MCMBP: variants seen among roughly 807,000 people sequenced by gnomAD.
The protein encoded by MCMBP is minichromosome maintenance complex binding protein.
Under a neutral mutation model 81.3 loss-of-function variants are expected in MCMBP, and 31 were observed. That is an observed-to-expected ratio of 0.38 (90% confidence interval 0.29 to 0.51). The LOEUF is 0.51. Ranked by LOEUF, MCMBP falls within the 20% of genes least tolerant of loss-of-function variation. MCMBP has a pLI of 0.87. For synonymous variants in MCMBP, 267 were observed against 275.9 expected (o/e 0.97, Z 0.32); for missense variants, 645 against 772.1 (o/e 0.84, Z 1.95).
intron 1 of MCMBP, among the ~76,000 whole-genome samples, chr10:119,867,236 T>C (rs1853493964): frequency 8.0e-6 from 1 of 124,786 alleles, no homozygotes; most frequent in African/African-American, 3.2e-5. Flanking sequence ...GAGGTTGCAG[T>C]GAGCCGAAAT....
At chr10:119,848,760 A>G (rs932397756) in intron 7 of MCMBP, among the ~76,000 whole-genome samples, 1 of 152,260 alleles carries the variant, frequency 6.6e-6, no homozygotes, top group African/African-American at 2.4e-5. Context: ...ATGGAAGAAC[A>G]AACTATTAAA....
intron 10 of MCMBP, 22 bp from the exon 11 acceptor site, chr10:119,840,982 C>A (rs1852412096): frequency 7.4e-7 from 1 of 1,356,540 alleles, no homozygotes. Context: ...AGAAATCAAT[C>A]AATAAGATGC....
chr10:119,853,728 C>G (rs1224265293), intron 5 of MCMBP, among the ~76,000 whole-genome samples: 1 of 152,198 alleles, frequency 6.6e-6, no homozygotes, highest in African/African-American at 2.4e-5. Flanking sequence ...TCAAGACTCC[C>G]TGAGGACTAG....
At chr10:119,837,069 A>C (rs764515246) in intron 12 of MCMBP, 40 bp from the exon 13 acceptor site, 3 of 1,605,344 alleles carry the variant, frequency 1.9e-6, no homozygotes, top group Admixed American at 3.4e-5. Context: ...TTTGACTTTA[A>C]TCATCTAAAC....
chr10:119,854,193 C>G (rs572933975), intron 5 of MCMBP, among the ~76,000 whole-genome samples: 90 of 151,988 alleles, frequency 5.9e-4, no homozygotes, highest in African/African-American at 2.1e-3. Flanking sequence ...AGGTGCCCAC[C>G]ACCAAGCCCG....
intron 1 of MCMBP, among the ~76,000 whole-genome samples, chr10:119,864,784 C>T (rs1273347903): frequency 3.3e-5 from 5 of 152,154 alleles, no homozygotes; most frequent in Non-Finnish European, 5.9e-5. Context: ...TGCATCTAAG[C>T]ATGTCTTTGG....
chr10:119,850,863 A>ATACAAGAT (rs1314309208), intron 6 of MCMBP, among the ~76,000 whole-genome samples: 1 of 148,176 alleles, frequency 6.7e-6, no homozygotes, highest in Non-Finnish European at 1.5e-5. Flanking sequence ...GCTAAAAGGT[A>ATACAAGAT]TACAAGATCT....
chr10:119,865,042 T>C (rs1853403700), intron 1 of MCMBP, among the ~76,000 whole-genome samples: 1 of 152,240 alleles, frequency 6.6e-6, no homozygotes, highest in Admixed American at 6.5e-5. Flanking sequence ...TGGTTGACAG[T>C]GTTGTGTAGT....
intron 1 of MCMBP, among the ~76,000 whole-genome samples, chr10:119,870,347 T>G (rs1051168622): frequency 6.6e-6 from 1 of 151,704 alleles, no homozygotes; most frequent in Non-Finnish European, 1.5e-5. Flanking sequence ...CTCCGGAGGC[T>G]GGGGCAGGAG....
chr10:119,838,281 ATATATAT>A (rs1852319160), intron 12 of MCMBP, among the ~76,000 whole-genome samples: 1 of 148,174 alleles, frequency 6.7e-6, no homozygotes, highest in African/African-American at 2.5e-5. Flanking sequence ...ATTATATATG[ATATATAT>A]TATATAAGAT....
intron 1 of MCMBP, among the ~76,000 whole-genome samples, chr10:119,870,444 C>CAAAA (rs34275612): frequency 7.4e-6 from 1 of 135,212 alleles, no homozygotes; most frequent in Non-Finnish European, 1.6e-5. Flanking sequence ...GAGACTGTCT[C>CAAAA]AAAAAAAAAA....
intron 6 of MCMBP, among the ~76,000 whole-genome samples, chr10:119,852,770 C>G (rs1315089478): frequency 6.6e-6 from 1 of 152,196 alleles, no homozygotes; most frequent in Non-Finnish European, 1.5e-5. Flanking sequence ...TACCAGGCTT[C>G]TGTATTAAAA....
At chr10:119,847,748 A>ACCTGT in intron 7 of MCMBP, 35 bp from the exon 8 acceptor site, 1 of 1,268,172 alleles carries the variant, frequency 7.9e-7, no homozygotes, top group Non-Finnish European at 1.1e-6. Context: ...CACTGTTAGA[A>ACCTGT]CAGACACAAA....
intron 6 of MCMBP, among the ~76,000 whole-genome samples, chr10:119,851,363 G>T: frequency 6.6e-6 from 1 of 152,174 alleles, no homozygotes; most frequent in Middle Eastern, 3.2e-3. Context: ...AGCATCAACT[G>T]CTTAAGTGAT....
At chr10:119,850,356 T>C (rs1183459337) in intron 6 of MCMBP, among the ~76,000 whole-genome samples, 2 of 151,860 alleles carry the variant, frequency 1.3e-5, no homozygotes, top group Non-Finnish European at 2.9e-5. Context: ...AGGAGAGTGG[T>C]AGTTAGGAGC....
intron 6 of MCMBP, among the ~76,000 whole-genome samples, chr10:119,850,963 C>T (rs983063493): frequency 2.0e-5 from 3 of 150,304 alleles, no homozygotes; most frequent in Admixed American, 6.6e-5. Flanking sequence ...ACCTTCGCCT[C>T]CCGGGTTCAA....
At chr10:119,833,069 T>G (rs2060783598) in intron 14 of MCMBP, among the ~76,000 whole-genome samples, 1 of 152,184 alleles carries the variant, frequency 6.6e-6, no homozygotes, top group African/African-American at 2.4e-5. Flanking sequence ...ACTGAGGGCT[T>G]GCCCCAACTT....
At chr10:119,846,898 T>TA (rs1852636845) in intron 8 of MCMBP, among the ~76,000 whole-genome samples, 1 of 151,916 alleles carries the variant, frequency 6.6e-6, no homozygotes, top group African/African-American at 2.4e-5. Context: ...AAGACATATA[T>TA]TTCTGTTGTT....
At chr10:119,862,907 G>A (rs1329310178) in intron 1 of MCMBP, among the ~76,000 whole-genome samples, 1 of 152,156 alleles carries the variant, frequency 6.6e-6, no homozygotes, top group East Asian at 1.9e-4. Context: ...GGCTAACAAT[G>A]CTGAACTCTT....
Sources: allele counts gnomAD v4.1 joint callset (sites outside exome capture counted in the v4.1 genomes callset), GRCh38; gene constraint gnomAD v4.1.1; transcripts MANE v1.5; gene names NCBI Gene and HGNC (gene_info 2026-07-23, HGNC 2026-07-21).